The following DACH2 variants were observed in gnomAD, a reference collection of about 807,000 sequenced individuals.
DACH2 encodes dachshund homolog 2.
Under a neutral mutation model 35.8 loss-of-function variants are expected in DACH2, and 17 were observed. The ratio of observed to expected loss-of-function variants is 0.48; its 90% CI spans 0.33 to 0.71. The LOEUF is 0.71. Ranked by LOEUF, DACH2 falls within the 30% of genes least tolerant of loss-of-function variation. The pLI, the probability that DACH2 is intolerant of heterozygous loss-of-function variation, is 0.02. For synonymous variants in DACH2, 195 were observed against 177.3 expected (o/e 1.10, Z -0.79); for missense variants, 469 against 472.7 (o/e 0.99, Z 0.07).
At chrX:86,725,341 T>C (rs1460018761) in intron 6 of DACH2, among the ~76,000 whole-genome samples, 1 of 111,715 alleles carries the variant, frequency 9.0e-6, no homozygotes, top group Non-Finnish European at 1.9e-5. Flanking sequence ...TGTATATATG[T>C]TATTGGTTGA....
intron 3 of DACH2, among the ~76,000 whole-genome samples, chrX:86,542,609 C>A (rs971344280): frequency 1.8e-5 from 2 of 111,558 alleles, no homozygotes; most frequent in African/African-American, 6.5e-5. Context: ...AACCTGTTTT[C>A]TTTATAAATT....
intron 6 of DACH2, among the ~76,000 whole-genome samples, chrX:86,726,772 A>C (rs1246193387): frequency 2.7e-5 from 3 of 111,816 alleles, no homozygotes; most frequent in Non-Finnish European, 5.6e-5. Context: ...AGATTGCTAA[A>C]GTCTGTTGCA....
intron 1 of DACH2, among the ~76,000 whole-genome samples, chrX:86,257,995 G>C (rs1277460508): frequency 1.8e-5 from 2 of 111,167 alleles, no homozygotes; most frequent in Non-Finnish European, 3.8e-5. Context: ...CTGCCTCACA[G>C]ATATGCAATA....
chrX:86,815,742 T>A (rs1331304426), intron 10 of DACH2, among the ~76,000 whole-genome samples: 1 of 107,897 alleles, frequency 9.3e-6, no homozygotes, highest in Non-Finnish European at 1.9e-5. Flanking sequence ...AACCTGATAG[T>A]CTTAGGAGGT....
At chrX:86,587,493 T>G (rs2039589154) in intron 3 of DACH2, among the ~76,000 whole-genome samples, 1 of 111,324 alleles carries the variant, frequency 9.0e-6, no homozygotes. Context: ...CTTGTGTAGG[T>G]TTTCATGGGG....
intron 2 of DACH2, among the ~76,000 whole-genome samples, chrX:86,439,753 C>A (rs2037129719): frequency 9.0e-6 from 1 of 110,959 alleles, no homozygotes; most frequent in Non-Finnish European, 1.9e-5. Context: ...CTAATTTGTG[C>A]CTTCAATGCT....
rs189483584 is a variant in DACH2, at chrX:86,612,769, A to T, written c.641-38267A>T. Among the ~76,000 whole-genome samples the T allele has an allele frequency of 9.3e-4, 105 of 112,510 alleles. 2 individuals carry two copies. The highest frequency in any genetic ancestry group is 3.4e-3 in the African/African-American group (104 of 31,040). ...TATGAAGTTAAAACTAGGTCTTGTG[A>T]TTGCTCACCTGATTTTTGATTCTTA... On this transcript the variant is annotated intron_variant, in intron 3 of 11. Transcript: ENST00000373125.
At chrX:86,674,301 C>A (rs1445135666) in intron 4 of DACH2, among the ~76,000 whole-genome samples, 1 of 112,545 alleles carries the variant, frequency 8.9e-6, no homozygotes, top group Non-Finnish European at 1.9e-5. Context: ...TAGCCACAGT[C>A]TCTTAATTTG....
intron 1 of DACH2, among the ~76,000 whole-genome samples, chrX:86,254,613 G>A (rs1363058929): frequency 9.6e-6 from 1 of 104,352 alleles, no homozygotes; most frequent in Admixed American, 1.1e-4. Flanking sequence ...ACCATCTCCT[G>A]GTTCACTATT....
At chrX:86,794,279 C>T (rs752370644) in intron 7 of DACH2, among the ~76,000 whole-genome samples, 2 of 110,400 alleles carry the variant, frequency 1.8e-5, no homozygotes, top group African/African-American at 3.3e-5. Context: ...GCGTATGCCA[C>T]AGTACTAATG....
intron 2 of DACH2, among the ~76,000 whole-genome samples, chrX:86,412,229 C>G (rs1310772024): frequency 9.0e-6 from 1 of 111,247 alleles, no homozygotes; most frequent in African/African-American, 3.3e-5. Context: ...ACTAAGACCT[C>G]TAGGCCAGGA....
chrX:86,410,797 T>C (rs1281236060), intron 2 of DACH2, among the ~76,000 whole-genome samples: 1 of 108,016 alleles, frequency 9.3e-6, no homozygotes, highest in Non-Finnish European at 1.9e-5. Context: ...TCTTTGACCT[T>C]TTCCTTTCCC....
chrX:86,437,542 T>G, intron 2 of DACH2, among the ~76,000 whole-genome samples: 1 of 111,761 alleles, frequency 8.9e-6, no homozygotes, highest in Non-Finnish European at 1.9e-5. Context: ...TATGAGATTT[T>G]TTTGTGTGTG....
At chrX:86,324,524 A>T (rs1234208458) in intron 1 of DACH2, among the ~76,000 whole-genome samples, 1 of 109,840 alleles carries the variant, frequency 9.1e-6, no homozygotes, top group Non-Finnish European at 1.9e-5. Flanking sequence ...TACTACAGAG[A>T]AATATTTTGT....
intron 1 of DACH2, among the ~76,000 whole-genome samples, chrX:86,346,233 A>G (rs1318527793): frequency 1.8e-5 from 2 of 110,555 alleles, no homozygotes; most frequent in Non-Finnish European, 3.8e-5. Context: ...TCATCCTGTT[A>G]CCATTTCTCG....
rs942299016 is a variant in DACH2, at chrX:86,400,593, T to C, written c.527+23731T>C. 5.3e-5 allele frequency among the ~76,000 whole-genome samples: 6 copies of C among 112,273 alleles called. No homozygotes were observed. The Admixed American group carries it at 5.7e-4, about 11-fold the overall frequency. ...CCTTTCTCTTTGTTAGTTTTTCTTC[T>C]AACAGTCAGGACCCTCAGCTGCAGG... On this transcript the variant is annotated intron_variant, in intron 2 of 11. Transcript: ENST00000373125.
At chrX:86,704,290 T>C (rs1032420890) in intron 5 of DACH2, among the ~76,000 whole-genome samples, 2 of 111,446 alleles carry the variant, frequency 1.8e-5, no homozygotes, top group African/African-American at 6.5e-5. Flanking sequence ...TATACAAAAA[T>C]AAACTTGAGA....
chrX:86,438,694 A>G (rs1403151511), intron 2 of DACH2, among the ~76,000 whole-genome samples: 2 of 112,361 alleles, frequency 1.8e-5, no homozygotes, highest in African/African-American at 6.5e-5. Flanking sequence ...ACAACTATTT[A>G]TATTCCTTTG....
chrX:86,706,995 A>G (rs1300468909), intron 5 of DACH2, among the ~76,000 whole-genome samples: 1 of 110,582 alleles, frequency 9.0e-6, no homozygotes, highest in East Asian at 2.8e-4. Context: ...AATTATTAGT[A>G]TAGAAATGAA....
Sources: gnomAD v4.1 joint callset for allele counts (sites outside exome capture counted in the v4.1 genomes callset) on GRCh38, gnomAD v4.1.1 for gene constraint, MANE v1.5 for transcripts, NCBI Gene and HGNC (gene_info 2026-07-23, HGNC 2026-07-21) for gene names.